SERAC1: variants seen among roughly 807,000 people sequenced by gnomAD.
SERAC1 encodes the protein serine active site containing 1, also known as protein SERAC1.
Under a neutral mutation model 85.7 loss-of-function variants are expected in SERAC1, and 36 were observed. That is an observed-to-expected ratio of 0.42 (90% CI 0.32 to 0.55). SERAC1 has a LOEUF of 0.55. Among genes scored for constraint, SERAC1 ranks in the 20% least tolerant of loss-of-function variants. The pLI is 0.11. For synonymous variants in SERAC1, 242 were observed against 265.3 expected (o/e 0.91, Z 0.85); for missense variants, 629 against 796.2 (o/e 0.79, Z 2.53).
chr6:158,165,434 C>T (rs944173404), intron 1 of SERAC1, among the ~76,000 whole-genome samples: 2 of 152,142 alleles, frequency 1.3e-5, no homozygotes, highest in African/African-American at 4.8e-5. Context: ...GGATTACAAG[C>T]GTGAGCCACC....
chr6:158,123,522 C>T (rs777332504), intron 10 of SERAC1, among the ~76,000 whole-genome samples: 34 of 152,226 alleles, frequency 2.2e-4, no homozygotes, highest in Non-Finnish European at 2.6e-4. Flanking sequence ...TTAAGGAACA[C>T]GTAGAAGGTT....
At chr6:158,116,084 C>A in intron 14 of SERAC1, 101 bp downstream of exon 14, 1 of 899,266 alleles carries the variant, frequency 1.1e-6, no homozygotes, top group South Asian at 1.5e-5. Flanking sequence ...GTAAGGGAGC[C>A]GCTATTAAGT....
chr6:158,113,300 A>G, intron 16 of SERAC1, 149 bp downstream of exon 16: 2 of 632,148 alleles, frequency 3.2e-6, no homozygotes, highest in East Asian at 5.5e-5. Flanking sequence ...ATTTTAATCT[A>G]TTGCTGAAAA....
chr6:158,156,075 G>A (rs1047250397), intron 2 of SERAC1, among the ~76,000 whole-genome samples: 9 of 152,164 alleles, frequency 5.9e-5, no homozygotes, highest in Admixed American at 5.2e-4. Context: ...CTTGAACCAC[G>A]GAGGCAGAGG....
chr6:158,138,916 A>C (rs769749027), intron 8 of SERAC1, among the ~76,000 whole-genome samples: 5 of 152,042 alleles, frequency 3.3e-5, no homozygotes, highest in Admixed American at 6.6e-5. Flanking sequence ...TTATTTTTAA[A>C]TTTTTTTTAG....
intron 16 of SERAC1, chr6:158,111,734 G>A (rs188284276): frequency 2.6e-4 from 90 of 344,230 alleles, no homozygotes; most frequent in African/African-American, 1.7e-3. Context: ...TGAACTTTTC[G>A]TATGTGTTCT....
At position 158,143,108 on chromosome 6, in the gene SERAC1, T is replaced by C. The variant is rs747230275; in HGVS notation, c.686A>G (p.Tyr229Cys). 6.2e-6 allele frequency: 10 copies of C among 1,613,406 alleles called. No homozygotes were observed. The East Asian group carries it at 2.2e-4, about 36-fold the overall frequency. Reference sequence around the variant, plus strand: ...TTCACTAAGAGCCAAAGATGTAAAATACTGGATACACTCATCTAGCTCTGT... The same window carrying C: ...TTCACTAAGAGCCAAAGATGTAAAACACTGGATACACTCATCTAGCTCTGT... ...PQTELDECIQ[Y>C]FTSLALSESS... Residue 229 changes from tyrosine (Y) to cysteine (C), a missense_variant, in exon 8 of 17, where the codon TAT becomes TGT. Physicochemically the swap from Tyr to Cys is radical, Grantham distance 194. Coordinates refer to ENST00000647468, the MANE Select transcript of SERAC1 (RefSeq NM_032861.4).
intron 2 of SERAC1, among the ~76,000 whole-genome samples, 180 bp downstream of exon 2, chr6:158,158,093 A>G (rs1785398974): frequency 1.3e-5 from 2 of 152,226 alleles, no homozygotes; most frequent in Admixed American, 6.5e-5. Context: ...AATTCTCAAG[A>G]AAAAGGAGTA....
At position 158,128,232 on chromosome 6, in the gene SERAC1, G is replaced by A. The variant is rs754355679; in HGVS notation, c.891C>T (p.Gly297=). 1 of 1,614,062 alleles carries A rather than the reference G, an allele frequency of 6.2e-7. No individual in the cohort carries two copies. Residue 297 remains glycine, a synonymous_variant, in exon 10 of 17, where the codon GGC becomes GGT. Coordinates refer to ENST00000647468, the MANE Select transcript of SERAC1 (RefSeq NM_032861.4). ...THCDKIEANG[G]LQLLQRLYRL... ...GGTACAGCCTCTGAAGTAGCTGCAG[G>A]CCTCCATTTGCTTCGATTTTATCAC...
At chr6:158,128,321 C>T (rs192916502) in intron 9 of SERAC1, 51 bp from the exon 10 acceptor site, 19 of 1,583,862 alleles carry the variant, frequency 1.2e-5, no homozygotes, top group East Asian at 2.2e-5. Flanking sequence ...AAATTCATGA[C>T]GTGAGATGAC....
chr6:158,154,942 T>C (rs1785292063), intron 3 of SERAC1, among the ~76,000 whole-genome samples: 1 of 151,794 alleles, frequency 6.6e-6, no homozygotes, highest in Non-Finnish European at 1.5e-5. Flanking sequence ...GCTGAGTGAG[T>C]GCCTGATTTA....
intron 8 of SERAC1, among the ~76,000 whole-genome samples, chr6:158,131,889 C>T (rs1326256374): frequency 6.6e-6 from 1 of 152,068 alleles, no homozygotes; most frequent in Non-Finnish European, 1.5e-5. Context: ...AATGCCATGC[C>T]GGTCTGAAAA....
At chr6:158,155,930 A>G (rs560504252) in intron 2 of SERAC1, among the ~76,000 whole-genome samples, 1 of 152,292 alleles carries the variant, frequency 6.6e-6, no homozygotes, top group African/African-American at 2.4e-5. Context: ...GGATCACCTG[A>G]GGTCAGGAGT....
chr6:158,152,048 A>C (rs1186071715), intron 3 of SERAC1, among the ~76,000 whole-genome samples: 3 of 152,138 alleles, frequency 2.0e-5, no homozygotes, highest in African/African-American at 7.2e-5. Flanking sequence ...CACTACATCC[A>C]GCTAGGTTAA....
At chr6:158,162,408 T>C (rs1305529324) in intron 1 of SERAC1, among the ~76,000 whole-genome samples, 2 of 152,244 alleles carry the variant, frequency 1.3e-5, no homozygotes, top group African/African-American at 4.8e-5. Flanking sequence ...TAAGATCTTT[T>C]TGATGTTCTT....
In SERAC1 at chr6:158,114,688, T is replaced by TTATAAAATGAGCTAATACATTCAAGGAA. The variant is rs1784234064; in HGVS notation, c.1684+100_1684+101insTTCCTTGAATGTATTAGCTCATTTTATA. The TTATAAAATGAGCTAATACATTCAAGGAA allele has an allele frequency of 3.2e-5, 46 of 1,435,278 alleles. No individual in the cohort carries two copies. In the Middle Eastern group the frequency reaches 6.2e-4, roughly 19 times the overall value. The allele number at this position is 1,435,278 out of a possible 1,614,324, so 88.9% of individuals were successfully genotyped here. A position where few individuals can be genotyped will look rare whatever the true frequency, so the allele number is the denominator to read the frequency against. On this transcript the variant is annotated intron_variant, in intron 15 of 16. Coordinates refer to ENST00000647468, the MANE Select transcript of SERAC1 (RefSeq NM_032861.4). ...TAGTCTAAACACAATTATATACAAA[T>TTATAAAATGAGCTAATACATTCAAGGAA]TATAAAATGAGATAATACATTCAAG...
chr6:158,113,920 C>G (rs1191094574), intron 15 of SERAC1, among the ~76,000 whole-genome samples: 2 of 152,120 alleles, frequency 1.3e-5, no homozygotes, highest in Admixed American at 1.3e-4. Flanking sequence ...AGCCCAGCCT[C>G]CCACCAACAA....
rs1053692836 is a variant in SERAC1, at chr6:158,111,254, T to C, written c.*112A>G. 2 of 1,046,382 alleles carry C rather than the reference T, an allele frequency of 1.9e-6. No individual in the cohort carries two copies. Among genetic ancestry groups the C allele is most frequent in the Non-Finnish European group, 2.7e-6 (2 of 730,604 alleles). The allele number at this position is 1,046,382 out of a possible 1,614,324, so 64.8% of individuals were successfully genotyped here. On this transcript the variant is annotated 3_prime_UTR_variant, in exon 17 of 17. Transcript: ENST00000647468. ...GTAGTCTGCAACACACTCCAGACCA[T>C]GTTGACGCTATGATCACTATGTTTG... is the stretch of plus-strand genomic sequence containing the variant.
chr6:158,147,058 T>C, intron 5 of SERAC1, 145 bp from the exon 6 acceptor site: 1 of 810,986 alleles, frequency 1.2e-6, no homozygotes, highest in Non-Finnish European at 1.9e-6. Context: ...ACTAATATTA[T>C]TTGTTCTCAA....
Sources: gnomAD v4.1 joint callset for allele counts (sites outside exome capture counted in the v4.1 genomes callset) on GRCh38, gnomAD v4.1.1 for gene constraint, MANE v1.5 for transcripts, NCBI Gene and HGNC (gene_info 2026-07-23, HGNC 2026-07-21) for gene names.